Variants in PDAP1 observed in about 807,000 individuals in gnomAD.
PDAP1 encodes 28 kDa heat- and acid-stable phosphoprotein.
A neutral mutation model predicts 28.0 loss-of-function variants in PDAP1; 13 were observed. The observed-to-expected ratio is 0.46, with a 90% CI of 0.30 to 0.74. The LOEUF (loss-of-function observed/expected upper bound fraction) is 0.74, where lower values mean the gene tolerates loss of function less well. PDAP1 is among the 30% of genes least tolerant of loss of function. PDAP1 has a pLI of 0.07. For synonymous variants in PDAP1, 77 were observed against 85.1 expected, an observed-to-expected ratio of 0.91 and a Z score of 0.52; for missense variants, 150 against 230.0, an observed-to-expected ratio of 0.65 and a Z score of 2.25.
In PDAP1 at chr7:99,408,596, C is replaced by G; in HGVS notation, c.-48G>C. 3.2e-6 allele frequency: 4 copies of G among 1,251,688 alleles called. No homozygotes were observed. Among genetic ancestry groups the G allele is most frequent in the South Asian group, 3.1e-5 (1 of 32,702 alleles). 77.5% of individuals were successfully genotyped at this position (1,251,688 alleles called of 1,614,324 possible). ...GCGGCGGCGGCGCCTCGAACTGACA[C>G]CGGAACCGGAAATAGCTTGGGCTCG... On this transcript the variant is annotated 5_prime_UTR_variant, in exon 1 of 6. Transcript: ENST00000350498.
intron 4 of PDAP1, 119 bp from the exon 5 acceptor site, chr7:99,398,132 G>T: frequency 9.0e-7 from 1 of 1,112,792 alleles, no homozygotes; most frequent in Non-Finnish European, 1.3e-6. Flanking sequence ...GGGTGCCCTG[G>T]CTGTGAGTCC....
chr7:99,405,055 C>T (rs992105245), intron 1 of PDAP1, 102 bp from the exon 2 acceptor site: 2 of 792,996 alleles, frequency 2.5e-6, no homozygotes, highest in African/African-American at 3.4e-5. Flanking sequence ...GGAGGCCTCA[C>T]CTACCCCTCA....
At chr7:99,402,565 C>T (rs1437666075) in intron 3 of PDAP1, among the ~76,000 whole-genome samples, 1 of 137,574 alleles carries the variant, frequency 7.3e-6, no homozygotes, top group African/African-American at 2.9e-5. Context: ...CAGAACGAGA[C>T]CCTGTCTCAA....
At chr7:99,399,064 G>A (rs972295408) in intron 4 of PDAP1, among the ~76,000 whole-genome samples, 10 of 152,152 alleles carry the variant, frequency 6.6e-5, no homozygotes, top group Admixed American at 6.5e-4. Flanking sequence ...GTTCCTGGAA[G>A]AGCCAAGTGC....
intron 1 of PDAP1, among the ~76,000 whole-genome samples, chr7:99,407,723 G>GTT (rs1795007792): frequency 6.6e-6 from 1 of 152,306 alleles, no homozygotes; most frequent in African/African-American, 2.4e-5. Flanking sequence ...AGAATTAGAC[G>GTT]TGACATAGCT....
At chr7:99,399,436 T>C (rs1794823697) in intron 4 of PDAP1, among the ~76,000 whole-genome samples, 1 of 138,934 alleles carries the variant, frequency 7.2e-6, no homozygotes, top group Admixed American at 7.5e-5. Flanking sequence ...AGCAACAGGA[T>C]CCCTTTTACT....
intron 5 of PDAP1, 147 bp downstream of exon 5, chr7:99,397,715 G>A (rs1348465228): frequency 1.2e-6 from 1 of 866,166 alleles, no homozygotes; most frequent in Non-Finnish European, 1.8e-6. Context: ...GGCACAGGGA[G>A]GGTGGCCCTC....
intron 3 of PDAP1, among the ~76,000 whole-genome samples, chr7:99,402,514 C>T (rs986339166): frequency 7.3e-6 from 1 of 137,232 alleles, no homozygotes; most frequent in Admixed American, 7.9e-5. Flanking sequence ...GCTGAGGCTG[C>T]GGTGCTTCAC....
chr7:99,400,306 T>C lies in PDAP1; in HGVS notation c.332A>G (p.Glu111Gly). The C allele has an allele frequency of 6.2e-7, 1 of 1,613,566 alleles. No homozygotes were observed. Among genetic ancestry groups the C allele is most frequent in the East Asian group, 2.2e-5 (1 of 44,876 alleles). The change falls in exon 4 of 6, where the codon GAA (glutamate) becomes GGA (glycine). Residue 111 changes from glutamate to glycine, a missense_variant. Coordinates refer to ENST00000350498, the MANE Select transcript of PDAP1 (RefSeq NM_014891.7). Reference sequence around the variant, plus strand: ...AAGGCCCAGCCAGTGATGTTACCGTTCTCTCCTCGAAAGCTCCTTTGGCCC... The same window carrying C: ...AAGGCCCAGCCAGTGATGTTACCGTCCTCTCCTCGAAAGCTCCTTTGGCCC... ...LDGPKELSRREREEIEKQKAK... is the reference protein window; with the variant it reads ...LDGPKELSRRGREEIEKQKAK...
chr7:99,400,211 C>G, intron 4 of PDAP1, 92 bp downstream of exon 4: 14 of 1,429,588 alleles, frequency 9.8e-6, no homozygotes, highest in Non-Finnish European at 1.4e-5. Context: ...AATAAACAGC[C>G]ACAGCTCCCA....
chr7:99,408,454 AC>A, intron 1 of PDAP1, 81 bp downstream of exon 1: 1 of 1,244,998 alleles, frequency 8.0e-7, no homozygotes, highest in African/African-American at 1.6e-5. Context: ...GCTCTCAGAG[AC>A]GCGCACGGGC....
chr7:99,408,558 G>T lies in PDAP1; in HGVS notation c.-10C>A. ...CACCTCCTTTAGGCATTGCGGCTCC[G>T]GCGGCTGCGGCGGCGGCGGCGGCGC... On this transcript the variant is annotated 5_prime_UTR_variant, in exon 1 of 6. Coordinates refer to ENST00000350498, the MANE Select transcript of PDAP1 (RefSeq NM_014891.7). 1.6e-6 allele frequency: 2 copies of T among 1,273,968 alleles called. No homozygotes were observed. Among genetic ancestry groups the T allele is most frequent in the Non-Finnish European group, 2.0e-6 (2 of 1,007,864 alleles). The allele number at this position is 1,273,968 out of a possible 1,614,324, so 78.9% of individuals were successfully genotyped here.
At position 99,396,425 on chromosome 7, in the gene PDAP1, A is replaced by G. The variant is rs1794761032; in HGVS notation, c.*257T>C. ...AAGGGCTCTGAATTCTAAAAACAGCAAAAACATTCAAATGGTTACATATGA... is the reference window on the plus strand; with the variant it reads ...AAGGGCTCTGAATTCTAAAAACAGCGAAAACATTCAAATGGTTACATATGA... On this transcript the variant is annotated 3_prime_UTR_variant, in exon 6 of 6. Transcript: ENST00000350498. The G allele has an allele frequency of 1.8e-6, 1 of 552,442 alleles. No homozygotes were observed. The highest frequency in any genetic ancestry group is 1.9e-5 in the African/African-American group (1 of 52,162). The allele number at this position is 552,442 out of a possible 1,614,324, so 34.2% of individuals were successfully genotyped here.
At position 99,395,247 on chromosome 7, in the gene PDAP1, A is replaced by G. The variant is rs867294198; in HGVS notation, c.*1435T>C. On this transcript the variant is annotated 3_prime_UTR_variant, in exon 6 of 6. Coordinates refer to ENST00000350498, the MANE Select transcript of PDAP1 (RefSeq NM_014891.7). Reference sequence around the variant, plus strand: ...TCACTGCCACCTCTGCCTTCCTGGGATCAAGCGATTCTCCTGCCTCAGCCT... The same window carrying G: ...TCACTGCCACCTCTGCCTTCCTGGGGTCAAGCGATTCTCCTGCCTCAGCCT... 1 of 149,862 alleles carries G rather than the reference A, an allele frequency of 6.7e-6. No individual in the cohort carries two copies. The highest frequency in any genetic ancestry group is 1.5e-5 in the Non-Finnish European group (1 of 67,536). The allele number at this position is 149,862 out of a possible 1,614,324, so 9.3% of individuals were successfully genotyped here. A position where few individuals can be genotyped will look rare whatever the true frequency, so the allele number is the denominator to read the frequency against.
chr7:99,394,801 AG>A lies in PDAP1; in HGVS notation c.*1880del, dbSNP rs1794715089. On this transcript the variant is annotated 3_prime_UTR_variant, in exon 6 of 6. Transcript: ENST00000350498. ...GTGTAAAAAAAAAAAAAAAAAAAAA[AG>A]TAATTATGGACATGCTTGCCTATGT... 2 of 1,175,094 alleles carry A rather than the reference AG, an allele frequency of 1.7e-6. No homozygotes were observed. Among genetic ancestry groups the A allele is most frequent in the African/African-American group, 1.6e-5 (1 of 61,576 alleles). 72.8% of individuals were successfully genotyped at this position (1,175,094 alleles called of 1,614,324 possible). A position where few individuals can be genotyped will look rare whatever the true frequency, so the allele number is the denominator to read the frequency against.
intron 4 of PDAP1, among the ~76,000 whole-genome samples, chr7:99,399,628 C>A (rs1794827039): frequency 1.3e-5 from 2 of 152,170 alleles, no homozygotes; most frequent in Non-Finnish European, 2.9e-5. Context: ...AGCTCATGGC[C>A]TTCCCCACGA....
chr7:99,396,658 G>A lies in PDAP1; in HGVS notation c.*24C>T, dbSNP rs375742883. 1.0e-4 allele frequency: 168 copies of A among 1,602,964 alleles called. No individual in the cohort carries two copies. The highest frequency in any genetic ancestry group is 1.3e-4 in the Non-Finnish European group (148 of 1,171,856). ...TCCTGGCAGCGCGGCCCAGGTCCCC[G>A]GCATCTCCTCCCACGGGTCGCAGTT... On this transcript the variant is annotated 3_prime_UTR_variant, in exon 6 of 6. Transcript: ENST00000350498.
In PDAP1 at chr7:99,396,604, G is replaced by C. The variant is rs1220729051; in HGVS notation, c.*78C>G. ...TGAGGGGCTGTTGCAGCGGCGCCAG[G>C]GCACAGGGTGGGCGAGACACAGCAG... On this transcript the variant is annotated 3_prime_UTR_variant, in exon 6 of 6. Transcript: ENST00000350498. The C allele has an allele frequency of 9.6e-6, 12 of 1,255,678 alleles. No individual in the cohort carries two copies. The highest frequency in any genetic ancestry group is 1.4e-5 in the Non-Finnish European group (12 of 856,158). 77.8% of individuals were successfully genotyped at this position (1,255,678 alleles called of 1,614,324 possible).
At chr7:99,406,543 A>G (rs1584423521) in intron 1 of PDAP1, 3 of 983,168 alleles carry the variant, frequency 3.1e-6, no homozygotes, top group Non-Finnish European at 3.6e-6. Flanking sequence ...ACTAGCAGTT[A>G]AAGTGTCAGT....
Sources: gnomAD v4.1 joint callset for allele counts (sites outside exome capture counted in the v4.1 genomes callset) on GRCh38, gnomAD v4.1.1 for gene constraint, MANE v1.5 for transcripts, NCBI Gene and HGNC (gene_info 2026-07-23, HGNC 2026-07-21) for gene names.